Variants in POU2F2 observed in about 807,000 individuals in gnomAD.
The protein encoded by POU2F2 is POU class 2 homeobox 2.
POU2F2 carries 14 observed loss-of-function variants against 63.5 expected under a neutral mutation model. The observed-to-expected ratio is 0.22, with a 90% CI of 0.15 to 0.34. POU2F2 has a LOEUF of 0.34. Among genes scored for constraint, POU2F2 ranks in the 10% least tolerant of loss-of-function variants. The pLI, the probability that POU2F2 is intolerant of heterozygous loss-of-function variation, is 1.00. For missense variants in POU2F2, 607 were observed against 815.2 expected (o/e 0.74, Z 3.11); for synonymous variants, 306 against 348.6 (o/e 0.88, Z 1.36).
At chr19:42,195,325 T>G (rs1464304048) in intron 1 of POU2F2, among the ~76,000 whole-genome samples, 4 of 145,302 alleles carry the variant, frequency 2.8e-5, no homozygotes, top group Non-Finnish European at 6.0e-5. Context: ...TCCCTCCCTC[T>G]TTTTCTTTTT....
Position 42,122,624 on chromosome 19 carries a change from G to C in POU2F2, c.29-48C>G, listed in dbSNP as rs1490434298. 5.5e-6 allele frequency: 8 copies of C among 1,460,308 alleles called. No homozygotes were observed. In the African/African-American group the frequency reaches 8.6e-5, roughly 16 times the overall value. The allele number at this position is 1,460,308 out of a possible 1,614,324, so 90.5% of individuals were successfully genotyped here. On this transcript the variant is annotated intron_variant, in intron 1 of 14. Coordinates refer to ENST00000692977, the MANE Select transcript of POU2F2 (RefSeq NM_001394376.1). ...AGTGGGGTGAAGGAGGGGAATCCAG[G>C]AGGGCTCTCGGGCCCCCATTCCACC... is the stretch of plus-strand genomic sequence containing the variant.
At position 42,169,755 on chromosome 19, in the gene POU2F2, T is replaced by C. The variant is rs374046389; in HGVS notation, c.-70+6208A>G. Among the ~76,000 whole-genome samples, 237 of 152,206 alleles carry C rather than the reference T, an allele frequency of 1.6e-3. 3 individuals carry two copies. The highest frequency in any genetic ancestry group is 5.5e-3 in the African/African-American group (229 of 41,514). On this transcript the variant is annotated intron_variant, in intron 1 of 6. Coordinates refer to the POU2F2 transcript ENST00000524801. This position sits in a 1 kb window ranked among gnomAD's most constrained non-coding sequence, Gnocchi z 4.3. The stretch of plus-strand genomic sequence containing the variant: ...ATGAGTGCGCGCACACGTGTGTGTG[T>C]GCGTGTGTGTGTGTGTCGGGGTGAT...
Position 42,092,977 on chromosome 19 carries a change from A to G in POU2F2, c.1265-707T>C, listed in dbSNP as rs1568972560. On this transcript the variant is annotated intron_variant, in intron 12 of 14. Transcript: ENST00000692977. The surrounding 1 kb of genome is among the most constrained non-coding windows in gnomAD (Gnocchi z 5.0). ...TATATATATTATGCATATATATATT[A>G]TGTGTGTGTGTATATATATATATAT... is the stretch of plus-strand genomic sequence containing the variant. 8.6e-6 allele frequency among the ~76,000 whole-genome samples: 1 copy of G among 115,776 alleles called. No homozygotes were observed. Among genetic ancestry groups the G allele is most frequent in the Non-Finnish European group, 1.8e-5 (1 of 56,446 alleles). 76.0% of individuals were successfully genotyped at this position (115,776 alleles called of 152,430 possible).
intron 2 of POU2F2, among the ~76,000 whole-genome samples, chr19:42,146,027 C>T (rs1418555987): frequency 9.1e-5 from 12 of 131,780 alleles, no homozygotes; most frequent in African/African-American, 2.6e-4. Flanking sequence ...AGCGAGACTC[C>T]GTCTCAAAAA....
intron 5 of POU2F2, among the ~76,000 whole-genome samples, chr19:42,108,639 A>C (rs954788322): frequency 1.3e-5 from 2 of 152,232 alleles, no homozygotes; most frequent in African/African-American, 4.8e-5. Context: ...GAACAGGAAC[A>C]GTAAGTTGGC....
At chr19:42,179,599 A>T (rs897483539), upstream of POU2F2, among the ~76,000 whole-genome samples, 1 of 152,090 alleles carries the variant, frequency 6.6e-6, no homozygotes, top group Non-Finnish European at 1.5e-5. Context: ...TAGCAGCTGC[A>T]ACCGCCCTTC....
rs58011783 is a variant in POU2F2 at position 42,119,779 on chromosome 19, T to A, written c.186+2347A>T. ...ACTCCGTCTCAAAAAAAAAAAGTTTTAAAAAAATAATGTTGAATGCCATGG... is the reference window on the plus strand; with the variant it reads ...ACTCCGTCTCAAAAAAAAAAAGTTTAAAAAAAATAATGTTGAATGCCATGG... On this transcript the variant is annotated intron_variant, in intron 4 of 14. Coordinates refer to ENST00000692977, the MANE Select transcript of POU2F2 (RefSeq NM_001394376.1). 7.8e-3 allele frequency among the ~76,000 whole-genome samples: 1,191 copies of A among 152,318 alleles called. 16 individuals are homozygous for A. Among genetic ancestry groups the A allele is most frequent in the African/African-American group, 0.027 (1,139 of 41,570 alleles).
intron 2 of POU2F2, among the ~76,000 whole-genome samples, chr19:42,154,761 C>G (rs1244349132): frequency 6.7e-6 from 1 of 149,680 alleles, no homozygotes; most frequent in Admixed American, 6.7e-5. Context: ...AGTGATGTCT[C>G]TCACACACAC....
intron 1 of POU2F2, among the ~76,000 whole-genome samples, chr19:42,185,299 T>G (rs1048970152): frequency 6.6e-6 from 1 of 152,038 alleles, no homozygotes; most frequent in Non-Finnish European, 1.5e-5. Flanking sequence ...CCTTACTACC[T>G]GGCCTCCCAG....
chr19:42,196,409 C>G (rs972159767), exon 1 of POU2F2: 27 of 152,298 alleles, frequency 1.8e-4, no homozygotes, highest in Admixed American at 1.4e-3. Context: ...CTTACTACAT[C>G]CCATTCAGGC....
chr19:42,189,537 A>G (rs2035052928), intron 1 of POU2F2, among the ~76,000 whole-genome samples: 1 of 152,156 alleles, frequency 6.6e-6, no homozygotes, highest in South Asian at 2.1e-4. Flanking sequence ...TGTGAGTGCC[A>G]TCTTAATCTC....
upstream of POU2F2, among the ~76,000 whole-genome samples, chr19:42,197,163 A>G (rs1169032172): frequency 6.6e-6 from 1 of 152,170 alleles, no homozygotes; most frequent in Non-Finnish European, 1.5e-5. Context: ...AGGGCAAGGG[A>G]GTGGAATTCC....
intron 4 of POU2F2, among the ~76,000 whole-genome samples, chr19:42,118,417 T>G (rs2146583993): frequency 6.6e-6 from 1 of 152,324 alleles, no homozygotes; most frequent in East Asian, 1.9e-4. Context: ...GGAAATCTTA[T>G]CTGGCTCCTA....
rs981070301 is a variant in POU2F2 at position 42,191,023 on chromosome 19, C to T, written c.-70+5360G>A. ...TGGAGGTTGTGGTGAGCTGAGATCG[C>T]GCCATTGCACTCCACACTCCAACCT... On this transcript the variant is annotated intron_variant, in intron 1 of 5. Coordinates refer to the POU2F2 transcript ENST00000532176. Among the ~76,000 whole-genome samples the T allele has an allele frequency of 3.4e-5, 5 of 148,652 alleles. No individual in the cohort carries two copies. In the South Asian group the frequency reaches 6.4e-4, roughly 19 times the overall value.
In POU2F2 at chr19:42,092,155, TG is replaced by T; in HGVS notation, c.1379del (p.Pro460HisfsTer25). On this transcript the variant is annotated frameshift_variant, in exon 13 of 15. Transcript: ENST00000692977. LOFTEE classifies it high-confidence loss of function. This position sits in a 1 kb window ranked among gnomAD's most constrained non-coding sequence, Gnocchi z 5.0. ...PLNSIPSVTP[P>X]PPATTNSTNP... ...TTGTGCTGTTGGTGGTGGCCGGGGG[TG>T]GGGGAGTGACAGAGGGGATGGAATT... 1 of 1,305,286 alleles carries T rather than the reference TG, an allele frequency of 7.7e-7. No homozygotes were observed. Among genetic ancestry groups the T allele is most frequent in the Non-Finnish European group, 1.0e-6 (1 of 992,586 alleles). The allele number at this position is 1,305,286 out of a possible 1,614,324, so 80.9% of individuals were successfully genotyped here. A position where few individuals can be genotyped will look rare whatever the true frequency, so the allele number is the denominator to read the frequency against.
chr19:42,177,006 A>AGCGCG (rs1384861160), upstream of POU2F2: 1 of 141,808 alleles, frequency 7.1e-6, no homozygotes, highest in Non-Finnish European at 1.5e-5. Context: ...TGGAAGGGCA[A>AGCGCG]GCGCGGCGCG....
chr19:42,105,214 A>C (rs184592458), intron 5 of POU2F2, among the ~76,000 whole-genome samples: 204 of 152,216 alleles, frequency 1.3e-3, no homozygotes, highest in African/African-American at 4.8e-3. Flanking sequence ...CAAGTTGCAT[A>C]ATCTTTTGGC....
chr19:42,092,309 C>T lies in POU2F2; in HGVS notation c.1265-39G>A, dbSNP rs748889685. The T allele has an allele frequency of 1.4e-6, 2 of 1,460,454 alleles. No individual in the cohort carries two copies. Among genetic ancestry groups the T allele is most frequent in the African/African-American group, 1.4e-5 (1 of 71,178 alleles). The allele number at this position is 1,460,454 out of a possible 1,614,324, so 90.5% of individuals were successfully genotyped here. ...ACAGAAAGATGGGGTCTTCAGCTTC[C>T]ACTCGTCCCCCACTGAGGAACCTGG... On this transcript the variant is annotated intron_variant, in intron 12 of 14. Transcript: ENST00000692977. The surrounding 1 kb of genome is among the most constrained non-coding windows in gnomAD (Gnocchi z 5.0).
At chr19:42,159,920 G>A (rs151272647) in intron 2 of POU2F2, among the ~76,000 whole-genome samples, 9 of 152,262 alleles carry the variant, frequency 5.9e-5, no homozygotes, top group African/African-American at 2.2e-4. Context: ...TCTCAGGATG[G>A]CACTTAAGGT....
Sources: allele counts gnomAD v4.1 joint callset (sites outside exome capture counted in the v4.1 genomes callset), GRCh38; gene constraint gnomAD v4.1.1; non-coding constraint Gnocchi (gnomAD v3.1); transcripts MANE v1.5; gene names NCBI Gene and HGNC (gene_info 2026-07-23, HGNC 2026-07-21).